Variants in ZPBP observed in about 807,000 individuals in gnomAD.
The protein encoded by ZPBP is zona pellucida-binding protein 1.
In ZPBP, 26 loss-of-function variants were observed where a neutral mutation model predicts 44.8. That is an observed-to-expected ratio of 0.58 (90% CI 0.43 to 0.81). ZPBP has a LOEUF of 0.81. Ranked by LOEUF, ZPBP falls within the 30% of genes least tolerant of loss-of-function variation. The pLI, the probability that ZPBP is intolerant of heterozygous loss-of-function variation, is 0.00. For missense variants in ZPBP, 409 were observed against 434.0 expected (o/e 0.94, Z 0.51); for synonymous variants, 174 against 153.2 (o/e 1.14, Z -1.00).
chr7:50,092,913 C>T, intron 1 of ZPBP, 155 bp downstream of exon 1: 2 of 1,181,608 alleles, frequency 1.7e-6, no homozygotes, highest in Non-Finnish European at 2.3e-6. Flanking sequence ...TGACTTTGTA[C>T]GACTTCCATA....
chr7:49,878,752 A>G (rs959429845), intron 2 of ZPBP, among the ~76,000 whole-genome samples: 9 of 152,136 alleles, frequency 5.9e-5, no homozygotes, highest in African/African-American at 2.2e-4. Flanking sequence ...TGTACTGCTG[A>G]TATTTTAATT....
chr7:49,955,986 G>A (rs535837232), intron 7 of ZPBP, among the ~76,000 whole-genome samples: 4 of 152,204 alleles, frequency 2.6e-5, no homozygotes, highest in African/African-American at 9.6e-5. Context: ...TTTGCACTTG[G>A]ACTTATCATT....
In ZPBP at chr7:49,878,953, T is replaced by G. The variant is rs375057475; in HGVS notation, n.509+22165A>C. On this transcript the variant is annotated intron_variant and non_coding_transcript_variant, in intron 2 of 2. Coordinates refer to the ZPBP transcript ENST00000465922. ...TACTGTTTGTCCCTTTACAGAAAAG[T>G]TTGCCAAGCCCTGGGTTAGGTCTTC... is the stretch of plus-strand genomic sequence containing the variant. Among the ~76,000 whole-genome samples, 232 of 152,314 alleles carry G rather than the reference T, an allele frequency of 1.5e-3. 3 individuals carry two copies. The highest frequency in any genetic ancestry group is 5.3e-3 in the African/African-American group (222 of 41,574).
chr7:49,841,593 A>G, the ZPBP span, among the ~76,000 whole-genome samples: 110 of 152,312 alleles, frequency 7.2e-4, no homozygotes, highest in African/African-American at 2.6e-3. Flanking sequence ...AATGCTTTGG[A>G]CGTGGAGCTT....
intron 7 of ZPBP, among the ~76,000 whole-genome samples, chr7:49,978,920 G>C (rs937872277): frequency 1.3e-5 from 2 of 151,626 alleles, no homozygotes; most frequent in African/African-American, 4.8e-5. Flanking sequence ...TACATTAAGG[G>C]AACTGAATCT....
At chr7:49,861,555 G>A (rs1790654127) in intron 2 of ZPBP, among the ~76,000 whole-genome samples, 1 of 152,096 alleles carries the variant, frequency 6.6e-6, no homozygotes, top group Non-Finnish European at 1.5e-5. Flanking sequence ...TCATTTCTAA[G>A]AATCTGCTGC....
chr7:49,872,330 C>T (rs690887), intron 2 of ZPBP, among the ~76,000 whole-genome samples: 7,487 of 151,934 alleles, frequency 0.049, 600 homozygotes, highest in African/African-American at 0.17. Context: ...ATGTGTCCAC[C>T]AAGTGTCAAG....
At chr7:49,912,308 G>A in intron 1 of ZPBP, 3 of 1,037,082 alleles carry the variant, frequency 2.9e-6, no homozygotes, top group Non-Finnish European at 2.7e-6. Flanking sequence ...AAAATTGTTG[G>A]TACTTTTCCT....
At chr7:49,841,216 A>G in the ZPBP span, among the ~76,000 whole-genome samples, 1 of 152,118 alleles carries the variant, frequency 6.6e-6, no homozygotes, top group Non-Finnish European at 1.5e-5. Context: ...AGGCCTGACT[A>G]TTCCCTGTTT....
chr7:50,011,288 T>C (rs140226070), intron 6 of ZPBP, among the ~76,000 whole-genome samples: 461 of 152,274 alleles, frequency 3.0e-3, no homozygotes, highest in African/African-American at 0.01. Context: ...AAAACTCTTC[T>C]AGACACTGGC....
chr7:49,957,651 T>C (rs1414277605), intron 7 of ZPBP, among the ~76,000 whole-genome samples: 1 of 152,184 alleles, frequency 6.6e-6, no homozygotes, highest in Non-Finnish European at 1.5e-5. Context: ...TCCACCTTTA[T>C]TTCAAAGAAA....
chr7:50,070,085 A>T (rs1044346334), intron 3 of ZPBP, among the ~76,000 whole-genome samples: 1 of 151,926 alleles, frequency 6.6e-6, no homozygotes, highest in Non-Finnish European at 1.5e-5. Context: ...ATTCACACAC[A>T]TACACACAAC....
At chr7:49,979,446 C>G (rs1380547391) in intron 7 of ZPBP, among the ~76,000 whole-genome samples, 1 of 151,908 alleles carries the variant, frequency 6.6e-6, no homozygotes, top group African/African-American at 2.4e-5. Context: ...ATCTCATATA[C>G]TTCTTATGAC....
intron 2 of ZPBP, among the ~76,000 whole-genome samples, chr7:49,880,388 G>A (rs1440089162): frequency 6.6e-6 from 1 of 151,722 alleles, no homozygotes; most frequent in Admixed American, 6.6e-5. Flanking sequence ...TTTCTTTCAT[G>A]TTACCATGTT....
chr7:50,047,645 C>T (rs1179267871), intron 4 of ZPBP, among the ~76,000 whole-genome samples: 1 of 131,950 alleles, frequency 7.6e-6, no homozygotes, highest in African/African-American at 3.0e-5. Context: ...CTCATAGAAG[C>T]TAAAAAACCC....
intron 7 of ZPBP, among the ~76,000 whole-genome samples, chr7:49,940,194 A>G (rs1794812768): frequency 6.6e-6 from 1 of 152,140 alleles, no homozygotes; most frequent in Admixed American, 6.6e-5. Context: ...TCCCAATTCT[A>G]TCCATTGCTT....
intron 4 of ZPBP, among the ~76,000 whole-genome samples, chr7:50,048,171 A>C (rs556008790): frequency 2.0e-5 from 3 of 152,182 alleles, no homozygotes; most frequent in South Asian, 4.1e-4. Flanking sequence ...GTTACTAAAG[A>C]AAAAAGGGAC....
At chr7:50,066,780 T>C (rs1050741725) in intron 3 of ZPBP, among the ~76,000 whole-genome samples, 5 of 152,214 alleles carry the variant, frequency 3.3e-5, no homozygotes, top group Non-Finnish European at 7.4e-5. Flanking sequence ...TGCAGGATCC[T>C]CAAGCTTCAG....
intron 5 of ZPBP, among the ~76,000 whole-genome samples, chr7:50,025,361 C>A (rs2128809043): frequency 6.6e-6 from 1 of 151,752 alleles, no homozygotes; most frequent in African/African-American, 2.4e-5. Flanking sequence ...TACAGAGGAC[C>A]AACATTACCC....
Sources: gnomAD v4.1 joint callset for allele counts (sites outside exome capture counted in the v4.1 genomes callset) on GRCh38, gnomAD v4.1.1 for gene constraint, MANE v1.5 for transcripts, NCBI Gene and HGNC (gene_info 2026-07-23, HGNC 2026-07-21) for gene names.